The following PDE4D variants were observed in gnomAD, a reference collection of about 807,000 sequenced individuals.
The protein encoded by PDE4D is 3',5'-cyclic-AMP phosphodiesterase 4D.
A neutral mutation model predicts 87.4 loss-of-function variants in PDE4D; 24 were observed. The observed-to-expected ratio is 0.27, with a 90% CI of 0.20 to 0.39. The LOEUF is 0.39. Among genes scored for constraint, PDE4D ranks in the 10% least tolerant of loss-of-function variants. The probability of loss-of-function intolerance (pLI) is 1.00; values close to 1 mark genes in which losing one functional copy is unlikely to be tolerated. For missense variants in PDE4D, 714 were observed against 1,041.0 expected (o/e 0.69, Z 4.32); for synonymous variants, 384 against 383.2 (o/e 1.00, Z -0.02).
rs1542842 is a variant in PDE4D at position 58,990,787 on chromosome 5, G to T, written c.1287+17C>A. The T allele has an allele frequency of 7.6e-7, 1 of 1,318,298 alleles. No individual in the cohort carries two copies. The highest frequency in any genetic ancestry group is 1.1e-6 in the Non-Finnish European group (1 of 927,178). The allele number at this position is 1,318,298 out of a possible 1,614,324, so 81.7% of individuals were successfully genotyped here. A position where few individuals can be genotyped will look rare whatever the true frequency, so the allele number is the denominator to read the frequency against. On this transcript the variant is annotated intron_variant, in intron 9 of 14. Transcript: ENST00000340635. ...GTTCCTAAATAAAATAAATGTAATAGAACTCAACCACCTTACCTGAAAAAT... is the reference window on the plus strand; with the variant it reads ...GTTCCTAAATAAAATAAATGTAATATAACTCAACCACCTTACCTGAAAAAT...
At chr5:60,337,311 C>T (rs1583459236) in intron 1 of PDE4D, among the ~76,000 whole-genome samples, 1 of 136,700 alleles carries the variant, frequency 7.3e-6, no homozygotes, top group African/African-American at 2.7e-5. Flanking sequence ...CAAGCCTGGG[C>T]AACAGAGAGA....
At chr5:60,314,378 G>A (rs1315764943) in intron 1 of PDE4D, among the ~76,000 whole-genome samples, 1 of 151,962 alleles carries the variant, frequency 6.6e-6, no homozygotes, top group African/African-American at 2.4e-5. Flanking sequence ...TGTTGCCCAG[G>A]CTGGTCTCGA....
chr5:60,473,167 G>T (rs1747975723), intron 1 of PDE4D, among the ~76,000 whole-genome samples: 1 of 107,312 alleles, frequency 9.3e-6, no homozygotes, highest in South Asian at 2.9e-4. Context: ...AAGGAAGGAA[G>T]GAAGGAAGGA....
chr5:59,890,254 TACACACACACACACACACACACACAC>T (rs56258601), intron 1 of PDE4D, among the ~76,000 whole-genome samples: 11 of 145,374 alleles, frequency 7.6e-5, no homozygotes, highest in Admixed American at 1.4e-4. Flanking sequence ...GGTGCGCACG[TACACACACACACACACACACACACAC>T]ACACACACAC....
chr5:59,559,345 A>C (rs936925516), intron 1 of PDE4D, among the ~76,000 whole-genome samples: 5 of 152,170 alleles, frequency 3.3e-5, no homozygotes, highest in African/African-American at 1.2e-4. Flanking sequence ...TCTTCACATG[A>C]GCCATGTTAT....
At chr5:59,839,079 C>T (rs1285119328) in intron 1 of PDE4D, among the ~76,000 whole-genome samples, 18 of 151,946 alleles carry the variant, frequency 1.2e-4, no homozygotes, top group Non-Finnish European at 1.5e-5. Flanking sequence ...GCCTGCATGA[C>T]TGAACAGCAG....
intron 1 of PDE4D, among the ~76,000 whole-genome samples, chr5:59,434,565 T>C (rs975162887): frequency 1.3e-5 from 2 of 152,176 alleles, no homozygotes; most frequent in African/African-American, 4.8e-5. Context: ...ATATTCTTTA[T>C]GTGCTGAAAA....
intron 5 of PDE4D, among the ~76,000 whole-genome samples, chr5:59,059,194 T>A (rs544896226): frequency 2.0e-5 from 3 of 152,292 alleles, no homozygotes; most frequent in Admixed American, 1.3e-4. Flanking sequence ...TTTGGCTACA[T>A]CATGTTTTGG....
intron 2 of PDE4D, among the ~76,000 whole-genome samples, chr5:60,091,875 A>T (rs1775152440): frequency 6.6e-6 from 1 of 151,462 alleles, no homozygotes; most frequent in South Asian, 2.1e-4. Context: ...ACACGGTGAA[A>T]CCCCGTCTCT....
At position 59,116,727 on chromosome 5, in the gene PDE4D, A is replaced by T. The variant is rs16889227; in HGVS notation, c.808+63868T>A. ...GACGCTGCAGCCAGGCAAGAAGTAG[A>T]GAAAGTGACTGGAAAGCTGGATTGC... On this transcript the variant is annotated intron_variant, in intron 5 of 14. Coordinates refer to ENST00000340635, the MANE Select transcript of PDE4D (RefSeq NM_001104631.2). Among the ~76,000 whole-genome samples the T allele has an allele frequency of 8.5e-3, 1,290 of 152,294 alleles. 23 individuals carry two copies. The highest frequency in any genetic ancestry group is 0.055 in the East Asian group (284 of 5,184).
chr5:60,073,074 G>A (rs182253585), intron 2 of PDE4D, among the ~76,000 whole-genome samples: 8 of 152,142 alleles, frequency 5.3e-5, no homozygotes, highest in Admixed American at 3.9e-4. Flanking sequence ...GAGAAAGGGC[G>A]TCTTTGTCTT....
chr5:60,028,297 A>T (rs1582249118), intron 2 of PDE4D, among the ~76,000 whole-genome samples: 1 of 152,064 alleles, frequency 6.6e-6, no homozygotes, highest in South Asian at 2.1e-4. Context: ...TTCCTTTCAC[A>T]CTGGATACAA....
chr5:59,820,858 TA>T (rs1769563677), intron 1 of PDE4D, among the ~76,000 whole-genome samples: 1 of 152,218 alleles, frequency 6.6e-6, no homozygotes, highest in African/African-American at 2.4e-5. Flanking sequence ...GGTTGGGGTT[TA>T]TAGGAGTTCA....
chr5:59,147,650 A>G (rs1025818764), intron 5 of PDE4D, among the ~76,000 whole-genome samples: 3 of 152,192 alleles, frequency 2.0e-5, no homozygotes, highest in Non-Finnish European at 4.4e-5. Flanking sequence ...CTTTAATTAA[A>G]TGGCATTTAG....
chr5:60,159,039 TC>T (rs1318756006), intron 2 of PDE4D, among the ~76,000 whole-genome samples: 3 of 152,230 alleles, frequency 2.0e-5, no homozygotes, highest in Non-Finnish European at 4.4e-5. Context: ...ATATTTTCTT[TC>T]TTTATATCCT....
intron 2 of PDE4D, among the ~76,000 whole-genome samples, chr5:60,045,364 T>A (rs1282169213): frequency 6.6e-6 from 1 of 152,142 alleles, no homozygotes; most frequent in Non-Finnish European, 1.5e-5. Flanking sequence ...CTCTTTAGTT[T>A]AATTAGATCC....
chr5:59,487,190 G>A (rs545891147), intron 1 of PDE4D, among the ~76,000 whole-genome samples: 15 of 152,256 alleles, frequency 9.9e-5, no homozygotes, highest in South Asian at 8.3e-4. Context: ...GCAAAGGAGC[G>A]TCTAAGAAGA....
rs151061390 is a variant in PDE4D, at chr5:59,774,898, T to G, written c.455+118270A>C. On this transcript the variant is annotated intron_variant, in intron 1 of 14. Coordinates refer to ENST00000340635, the MANE Select transcript of PDE4D (RefSeq NM_001104631.2). Reference sequence around the variant, plus strand: ...TTAGTAGAGACAGGGTTTCACCACATTGGTCAGACTTGTCTCAAACTCCTG... The same window carrying G: ...TTAGTAGAGACAGGGTTTCACCACAGTGGTCAGACTTGTCTCAAACTCCTG... 2.2e-3 allele frequency among the ~76,000 whole-genome samples: 335 copies of G among 152,206 alleles called. 2 individuals are homozygous for G. Among genetic ancestry groups the G allele is most frequent in the African/African-American group, 7.6e-3 (317 of 41,536 alleles).
intron 1 of PDE4D, among the ~76,000 whole-genome samples, chr5:59,623,068 C>A (rs956099415): frequency 6.6e-6 from 1 of 152,144 alleles, no homozygotes; most frequent in Non-Finnish European, 1.5e-5. Context: ...TAAACACTAA[C>A]CTTATTAAAT....
Sources: allele counts gnomAD v4.1 joint callset (sites outside exome capture counted in the v4.1 genomes callset), GRCh38; gene constraint gnomAD v4.1.1; transcripts MANE v1.5; gene names NCBI Gene and HGNC (gene_info 2026-07-23, HGNC 2026-07-21).